The following ZSCAN5B variants were observed in gnomAD, a reference collection of about 807,000 sequenced individuals.
The protein encoded by ZSCAN5B is zinc finger and SCAN domain containing 5B.
Under a neutral mutation model 25.2 loss-of-function variants are expected in ZSCAN5B, and 26 were observed. That is an observed-to-expected ratio of 1.03 (90% confidence interval 0.76 to 1.43). The LOEUF (loss-of-function observed/expected upper bound fraction) is 1.43. Ranked by LOEUF, ZSCAN5B falls within the 40% of genes most tolerant of loss-of-function variation. The pLI is 0.00. For synonymous variants in ZSCAN5B, 244 were observed against 240.9 expected, an observed-to-expected ratio of 1.01 and a Z score of -0.12; for missense variants, 745 against 622.1, an observed-to-expected ratio of 1.20 and a Z score of -2.10.
intron 3 of ZSCAN5B, 44 bp from the exon 4 acceptor site, chr19:56,191,031 G>A: frequency 6.2e-7 from 1 of 1,612,598 alleles, no homozygotes; most frequent in Non-Finnish European, 8.5e-7. Context: ...TGTCTATACT[G>A]GTGGAAGTAG....
chr19:56,197,239 C>T (rs1320839251), intron 1 of ZSCAN5B, among the ~76,000 whole-genome samples: 1 of 151,720 alleles, frequency 6.6e-6, no homozygotes, highest in Non-Finnish European at 1.5e-5. Context: ...ATGGCGCGAC[C>T]TCGGCTCACT....
intron 1 of ZSCAN5B, among the ~76,000 whole-genome samples, chr19:56,193,664 TA>T (rs886089814): frequency 6.6e-6 from 1 of 152,174 alleles, no homozygotes; most frequent in Non-Finnish European, 1.5e-5. Flanking sequence ...GAGGTGTCAC[TA>T]AAAAATCCTA....
chr19:56,197,535 C>T (rs549457110), intron 1 of ZSCAN5B, among the ~76,000 whole-genome samples, 199 bp downstream of exon 1: 2 of 152,268 alleles, frequency 1.3e-5, no homozygotes, highest in South Asian at 2.1e-4. Flanking sequence ...TGGGCCCGAC[C>T]GAGAAAGTTA....
chr19:56,191,983 G>A, exon 3 of ZSCAN5B: 1 of 1,613,996 alleles, frequency 6.2e-7, no homozygotes, highest in Non-Finnish European at 8.5e-7. Context: ...TCTGACACTG[G>A]CGGGGGCTTC....
At chr19:56,189,752 T>C (rs2032696507) in exon 5 of ZSCAN5B, 1 of 1,508,726 alleles carries the variant, frequency 6.6e-7, no homozygotes, top group Admixed American at 2.2e-5. Flanking sequence ...TATGTGTATA[T>C]GTCATCTGGT....
At chr19:56,192,256 T>C (rs1201751938) in intron 2 of ZSCAN5B, among the ~76,000 whole-genome samples, 3 of 152,294 alleles carry the variant, frequency 2.0e-5, no homozygotes, top group South Asian at 4.1e-4. Context: ...GTCATTTAGA[T>C]GAAAGGGTCT....
chr19:56,192,976 A>G (rs1468654772), exon 2 of ZSCAN5B: 5 of 1,609,562 alleles, frequency 3.1e-6, no homozygotes, highest in Non-Finnish European at 4.2e-6. Context: ...TGGGGACGCC[A>G]CAGACCGTGG....
chr19:56,195,794 C>T (rs532317238), intron 1 of ZSCAN5B, among the ~76,000 whole-genome samples: 36 of 152,170 alleles, frequency 2.4e-4, no homozygotes, highest in African/African-American at 7.7e-4. Flanking sequence ...AGTACACTCA[C>T]GTAACAAATC....
At chr19:56,191,280 C>G (rs13345242) in intron 3 of ZSCAN5B, among the ~76,000 whole-genome samples, 7,396 of 152,218 alleles carry the variant, frequency 0.049, 356 homozygotes, top group African/African-American at 0.12. Flanking sequence ...GGTGGAGGCC[C>G]CTAACCCCTG....
At chr19:56,194,855 G>C (rs11084429) in intron 1 of ZSCAN5B, among the ~76,000 whole-genome samples, 1 of 151,976 alleles carries the variant, frequency 6.6e-6, no homozygotes, top group Non-Finnish European at 1.5e-5. Context: ...GACATGCCTC[G>C]GCCTCCCAAA....
At chr19:56,196,359 C>G (rs1473398575) in intron 1 of ZSCAN5B, among the ~76,000 whole-genome samples, 2 of 151,940 alleles carry the variant, frequency 1.3e-5, no homozygotes, top group African/African-American at 2.4e-5. Flanking sequence ...GCCATTAAAA[C>G]TTTTTTTTAA....
intron 1 of ZSCAN5B, among the ~76,000 whole-genome samples, chr19:56,195,087 G>A (rs2032793359): frequency 6.6e-6 from 1 of 152,152 alleles, no homozygotes; most frequent in Non-Finnish European, 1.5e-5. Flanking sequence ...AAACTGGCAG[G>A]AGGGTCTCAG....
At chr19:56,191,919 A>G (rs2032740696) in exon 3 of ZSCAN5B, 4 of 1,613,936 alleles carry the variant, frequency 2.5e-6, no homozygotes, top group Middle Eastern at 3.3e-4. Flanking sequence ...CTGTCCCCGG[A>G]TGCATCTGGT....
intron 1 of ZSCAN5B, among the ~76,000 whole-genome samples, chr19:56,193,899 T>G (rs2032773589): frequency 6.6e-6 from 1 of 150,528 alleles, no homozygotes; most frequent in African/African-American, 2.5e-5. Flanking sequence ...GAGGCAGAGC[T>G]TGCAGTGAGA....
At chr19:56,191,201 C>G (rs1025180655) in intron 3 of ZSCAN5B, among the ~76,000 whole-genome samples, 8 of 152,142 alleles carry the variant, frequency 5.3e-5, no homozygotes, top group Non-Finnish European at 1.0e-4. Context: ...CTGTTTGGTT[C>G]TCTGAGAATA....
intron 1 of ZSCAN5B, among the ~76,000 whole-genome samples, chr19:56,194,274 T>C (rs1297647335): frequency 6.6e-6 from 1 of 152,098 alleles, no homozygotes; most frequent in East Asian, 1.9e-4. Flanking sequence ...TTCCAGGTAG[T>C]GGGATCATAC....
At chr19:56,191,146 G>C (rs541543442) in intron 3 of ZSCAN5B, among the ~76,000 whole-genome samples, 159 bp from the exon 4 acceptor site, 1 of 152,134 alleles carries the variant, frequency 6.6e-6, no homozygotes, top group Non-Finnish European at 1.5e-5. Flanking sequence ...TCCCTAATCT[G>C]CACCCTCCAT....
chr19:56,192,748 A>G (rs756418382), exon 2 of ZSCAN5B: 36 of 1,605,198 alleles, frequency 2.2e-5, no homozygotes, highest in Non-Finnish European at 3.1e-5. Flanking sequence ...CTTGACTAAG[A>G]CCTGGAGCTC....
intron 1 of ZSCAN5B, among the ~76,000 whole-genome samples, chr19:56,195,124 G>C (rs919965182): frequency 6.6e-6 from 1 of 152,164 alleles, no homozygotes; most frequent in East Asian, 1.9e-4. Context: ...CCTGGAGGGC[G>C]AGTACCCCAC....
Sources: allele counts gnomAD v4.1 joint callset (sites outside exome capture counted in the v4.1 genomes callset), GRCh38; gene constraint gnomAD v4.1.1; transcripts MANE v1.5; gene names NCBI Gene and HGNC (gene_info 2026-07-23, HGNC 2026-07-21).